Variants in DRC3 observed in about 807,000 individuals in gnomAD.
DRC3 encodes the protein leucine rich repeat containing 48.
Under a neutral mutation model 57.6 loss-of-function variants are expected in DRC3, and 45 were observed. That is an observed-to-expected ratio of 0.78 (90% CI 0.62 to 1.00). The LOEUF is 1.00. Among genes scored for constraint, DRC3 ranks in the 50% least tolerant of loss-of-function variants. The probability of loss-of-function intolerance (pLI) is 0.00; values close to 1 mark genes in which losing one functional copy is unlikely to be tolerated. For synonymous variants in DRC3, 257 were observed against 272.3 expected (o/e 0.94, Z 0.55); for missense variants, 655 against 675.2 (o/e 0.97, Z 0.33).
intron 5 of DRC3, among the ~76,000 whole-genome samples, chr17:17,991,796 G>A (rs568327189): frequency 1.3e-5 from 2 of 152,210 alleles, no homozygotes; most frequent in African/African-American, 2.4e-5. Context: ...CATAAGTTGG[G>A]TCCCATTTAA....
intron 9 of DRC3, among the ~76,000 whole-genome samples, chr17:17,999,669 C>T (rs1001201437): frequency 2.6e-5 from 4 of 152,224 alleles, no homozygotes; most frequent in African/African-American, 9.6e-5. Flanking sequence ...GACCCAGAGA[C>T]ACATTATTGA....
intron 2 of DRC3, among the ~76,000 whole-genome samples, chr17:17,976,910 C>G (rs941191327): frequency 7.2e-5 from 11 of 151,820 alleles, no homozygotes; most frequent in Non-Finnish European, 1.2e-4. Flanking sequence ...GCCTCCTCCC[C>G]CTCTTGCTCT....
At chr17:17,982,709 G>T (rs551719481) in intron 3 of DRC3, among the ~76,000 whole-genome samples, 2 of 151,234 alleles carry the variant, frequency 1.3e-5, no homozygotes, top group Non-Finnish European at 2.9e-5. Flanking sequence ...CAAGTAGCTG[G>T]GACTACAGAC....
chr17:17,984,053 T>A, intron 4 of DRC3, 109 bp downstream of exon 4: 1 of 685,848 alleles, frequency 1.5e-6, no homozygotes, highest in South Asian at 1.8e-5. Context: ...TGCTGGCCCA[T>A]CATTAGCCAG....
At chr17:17,989,975 G>C (rs1041803611) in intron 5 of DRC3, among the ~76,000 whole-genome samples, 1 of 152,184 alleles carries the variant, frequency 6.6e-6, no homozygotes, top group South Asian at 2.1e-4. Flanking sequence ...TGCAAGGAAG[G>C]GGTGCTTATC....
chr17:18,013,909 AT>A (rs1045308945), intron 12 of DRC3, among the ~76,000 whole-genome samples: 16 of 150,002 alleles, frequency 1.1e-4, no homozygotes, highest in Non-Finnish European at 1.6e-4. Flanking sequence ...ATGTACAGTT[AT>A]TTGTCAATTT....
At chr17:17,983,129 G>A (rs543616843) in intron 3 of DRC3, among the ~76,000 whole-genome samples, 26 of 152,272 alleles carry the variant, frequency 1.7e-4, no homozygotes, top group East Asian at 1.2e-3. Flanking sequence ...TGTAGCTGGC[G>A]TGGGTGGTCC....
chr17:17,999,071 G>T (rs1159388948), intron 9 of DRC3, among the ~76,000 whole-genome samples: 1 of 152,168 alleles, frequency 6.6e-6, no homozygotes, highest in African/African-American at 2.4e-5. Flanking sequence ...CACTGGGCTT[G>T]GGAGTGTCAG....
intron 9 of DRC3, among the ~76,000 whole-genome samples, chr17:17,999,247 G>C (rs904452732): frequency 6.6e-6 from 1 of 152,206 alleles, no homozygotes; most frequent in Non-Finnish European, 1.5e-5. Flanking sequence ...CTCCTCAAAG[G>C]CCACCTCGGA....
At chr17:17,998,459 G>A (rs1225722680) in intron 9 of DRC3, among the ~76,000 whole-genome samples, 1 of 152,194 alleles carries the variant, frequency 6.6e-6, no homozygotes, top group African/African-American at 2.4e-5. Context: ...GTAAATCACA[G>A]ATCTTTGTGA....
intron 9 of DRC3, among the ~76,000 whole-genome samples, chr17:17,998,859 G>A (rs1162145788): frequency 6.6e-6 from 1 of 152,226 alleles, no homozygotes; most frequent in Non-Finnish European, 1.5e-5. Context: ...TATGTGGCCT[G>A]AATAGGGTTT....
At chr17:17,996,022 T>G (rs533620916) in intron 8 of DRC3, among the ~76,000 whole-genome samples, 4 of 145,486 alleles carry the variant, frequency 2.7e-5, no homozygotes, top group South Asian at 4.2e-4. Context: ...TTGGTTTTTT[T>G]GTTTTTTTGT....
At chr17:17,983,766 C>T in intron 3 of DRC3, 62 bp from the exon 4 acceptor site, 1 of 1,233,806 alleles carries the variant, frequency 8.1e-7, no homozygotes, top group Non-Finnish European at 1.2e-6. Context: ...CTCACTCCTC[C>T]TGTACACTAG....
chr17:18,002,648 G>T (rs1026099205), intron 9 of DRC3, among the ~76,000 whole-genome samples: 1 of 152,198 alleles, frequency 6.6e-6, no homozygotes, highest in East Asian at 1.9e-4. Context: ...TTTTATAGGA[G>T]ACTCCGGTAG....
chr17:18,011,460 G>T, intron 12 of DRC3: 1 of 201,324 alleles, frequency 5.0e-6, no homozygotes, highest in South Asian at 6.2e-5. Context: ...GGCCACTGGG[G>T]GACCAAGATT....
chr17:17,978,203 C>G (rs1421402366), intron 3 of DRC3, among the ~76,000 whole-genome samples: 1 of 152,162 alleles, frequency 6.6e-6, no homozygotes, highest in East Asian at 1.9e-4. Flanking sequence ...TGACCAAAGA[C>G]AGGCTGGTAG....
chr17:17,984,972 C>T (rs1356913434), intron 4 of DRC3, among the ~76,000 whole-genome samples: 4 of 152,184 alleles, frequency 2.6e-5, no homozygotes, highest in Non-Finnish European at 5.9e-5. Context: ...TCATGTGCTA[C>T]AGGTAGCAGG....
chr17:18,007,288 A>T, intron 12 of DRC3, 141 bp downstream of exon 12: 1 of 1,163,122 alleles, frequency 8.6e-7, no homozygotes, highest in Non-Finnish European at 1.3e-6. Flanking sequence ...AACCTGCTTT[A>T]CAGGGTTGCT....
chr17:18,012,757 G>C (rs950342433), intron 12 of DRC3, among the ~76,000 whole-genome samples: 20 of 151,444 alleles, frequency 1.3e-4, no homozygotes, highest in African/African-American at 4.6e-4. Flanking sequence ...ACATTGGCCT[G>C]GGAAAAAATT....
Sources: allele counts gnomAD v4.1 joint callset (sites outside exome capture counted in the v4.1 genomes callset), GRCh38; gene constraint gnomAD v4.1.1; transcripts MANE v1.5; gene names NCBI Gene and HGNC (gene_info 2026-07-23, HGNC 2026-07-21).